Variants in ADAM18 observed in about 807,000 individuals in gnomAD.
ADAM18 encodes the protein ADAM metallopeptidase domain 18, also known as disintegrin and metalloproteinase domain-containing protein 18.
ADAM18 carries 117 observed loss-of-function variants against 94.4 expected under a neutral mutation model. The observed-to-expected ratio is 1.24, with a 90% CI of 1.07 to 1.45. The LOEUF is 1.45. Among genes scored for constraint, ADAM18 ranks in the 40% most tolerant of loss-of-function variants. The pLI, the probability that ADAM18 is intolerant of heterozygous loss-of-function variation, is 0.00. For missense variants in ADAM18, 936 were observed against 880.0 expected (o/e 1.06, Z -0.81); for synonymous variants, 327 against 291.6 (o/e 1.12, Z -1.24).
Position 39,645,425 on chromosome 8 carries a change from A to G in ADAM18, c.997A>G (p.Thr333Ala), listed in dbSNP as rs1219014534. The stretch of plus-strand genomic sequence containing the variant: ...TGTAGGATTAACATATGATGACATC[A>G]CTCAGTGTTTCTGTCTGAGAGCTAC... The part of the protein sequence containing the change: ...LNVGLTYDDI[T>A]QCFCLRATCI... The change falls in exon 11 of 20, where the codon ACT becomes GCT. Residue 333 changes from threonine (T) to alanine (A), a missense_variant. Coordinates refer to ENST00000265707, the MANE Select transcript of ADAM18 (RefSeq NM_014237.3). 1 of 1,612,384 alleles carries G rather than the reference A, an allele frequency of 6.2e-7. No homozygotes were observed. The highest frequency in any genetic ancestry group is 8.5e-7 in the Non-Finnish European group (1 of 1,179,292).
At chr8:39,634,748 A>C (rs77974146) in intron 7 of ADAM18, among the ~76,000 whole-genome samples, 1,876 of 152,276 alleles carry the variant, frequency 0.012, 44 homozygotes, top group African/African-American at 0.043. Flanking sequence ...GCTGGAAATG[A>C]ATTTGCCCCA....
rs564325951 is a variant in ADAM18 at position 39,668,308 on chromosome 8, A to C, written c.1525+112A>C. ...AAGAAACTGAACCACAAGATTAATA[A>C]AAATTAAATTTTAGTTAAAGAAGAG... On this transcript the variant is annotated intron_variant, in intron 14 of 19. Transcript: ENST00000265707. The C allele has an allele frequency of 3.8e-6, 4 of 1,062,104 alleles. No homozygotes were observed. In the East Asian group the frequency reaches 1.0e-4, roughly 28 times the overall value. The allele number at this position is 1,062,104 out of a possible 1,614,324, so 65.8% of individuals were successfully genotyped here.
At position 39,722,190 on chromosome 8, in the gene ADAM18, CGTGTGTGTGT is replaced by C. The variant is rs1164771841; in HGVS notation, c.2018-1539_2018-1530del. 2.9e-3 allele frequency among the ~76,000 whole-genome samples: 299 copies of C among 101,716 alleles called. 5 individuals carry two copies. The highest frequency in any genetic ancestry group is 0.013 in the African/African-American group (279 of 20,672). The allele number at this position is 101,716 out of a possible 152,430, so 66.7% of individuals were successfully genotyped here. A position where few individuals can be genotyped will look rare whatever the true frequency, so the allele number is the denominator to read the frequency against. Reference sequence around the variant, plus strand: ...TGTCTGCCTACTTTGTTGGTTATACCGTGTGTGTGTGTGTGTGTGTGTGTGTGTATATATA... The same window carrying C: ...TGTCTGCCTACTTTGTTGGTTATACCGTGTGTGTGTGTGTGTGTATATATA... On this transcript the variant is annotated intron_variant, in intron 18 of 19. Transcript: ENST00000265707.
intron 13 of ADAM18, among the ~76,000 whole-genome samples, chr8:39,664,608 T>A (rs1384666121): frequency 6.6e-6 from 1 of 152,040 alleles, no homozygotes; most frequent in Non-Finnish European, 1.5e-5. Flanking sequence ...GTCAAATAAA[T>A]GATGAATGAT....
intron 14 of ADAM18, among the ~76,000 whole-genome samples, chr8:39,669,569 G>GT (rs1821095629): frequency 6.8e-6 from 1 of 147,822 alleles, no homozygotes; most frequent in African/African-American, 2.5e-5. Flanking sequence ...GTGGTGTTTG[G>GT]TTTTTTGTCC....
At position 39,706,865 on chromosome 8, in the gene ADAM18, C is replaced by T. The variant is rs749265727; in HGVS notation, c.1978C>T (p.Pro660Ser). 10 of 1,608,660 alleles carry T rather than the reference C, an allele frequency of 6.2e-6. No individual in the cohort carries two copies. The highest frequency in any genetic ancestry group is 6.8e-6 in the Non-Finnish European group (8 of 1,176,502). ...AGATTGTAAATTCCAGTTTGGTTCC[C>T]CAGGGGGTAGTATTGATGATGGAAA... ...PPDCKFQFGS[P>S]GGSIDDGNFQ... The change falls in exon 18 of 20, where the codon CCA (proline) becomes TCA (serine). Residue 660 changes from proline (P) to serine (S), a missense_variant. Physicochemically the swap from Pro to Ser is moderately conservative, Grantham distance 74. Transcript: ENST00000265707.
At chr8:39,611,737 A>G (rs1819277579) in intron 6 of ADAM18, among the ~76,000 whole-genome samples, 1 of 152,164 alleles carries the variant, frequency 6.6e-6, no homozygotes, top group Non-Finnish European at 1.5e-5. Context: ...TGGAGAAAAA[A>G]AAAAGTGCCT....
At chr8:39,702,170 T>C (rs558815322) in intron 17 of ADAM18, among the ~76,000 whole-genome samples, 2 of 152,340 alleles carry the variant, frequency 1.3e-5, no homozygotes, top group South Asian at 4.1e-4. Flanking sequence ...GACTTCTTAA[T>C]AACAGCCATT....
chr8:39,641,139 G>A (rs1467980943), intron 10 of ADAM18, among the ~76,000 whole-genome samples: 6 of 151,808 alleles, frequency 4.0e-5, no homozygotes, highest in Non-Finnish European at 8.8e-5. Flanking sequence ...TTTTCAGTTT[G>A]GGGTTTTACA....
intron 6 of ADAM18, among the ~76,000 whole-genome samples, chr8:39,612,613 T>G (rs1029720322): frequency 1.3e-5 from 2 of 152,184 alleles, no homozygotes; most frequent in African/African-American, 4.8e-5. Context: ...CTCCTCTAGG[T>G]GGCTTTGGTT....
chr8:39,595,735 G>T (rs1818722228), intron 2 of ADAM18, among the ~76,000 whole-genome samples: 1 of 152,042 alleles, frequency 6.6e-6, no homozygotes, highest in Admixed American at 6.5e-5. Context: ...TGTTGGCCAG[G>T]CTGGTTTCAA....
chr8:39,653,320 C>A (rs957225929), intron 12 of ADAM18, among the ~76,000 whole-genome samples: 3 of 151,024 alleles, frequency 2.0e-5, no homozygotes, highest in Non-Finnish European at 3.0e-5. Flanking sequence ...TTAAAAAAAA[C>A]AACAATAATG....
chr8:39,605,721 T>G (rs1242789190), intron 2 of ADAM18: 1 of 230,162 alleles, frequency 4.3e-6, no homozygotes, highest in Non-Finnish European at 8.7e-6. Context: ...TTTATTTTTA[T>G]TTATAGGTTT....
chr8:39,722,464 G>A (rs1822787459), intron 18 of ADAM18, among the ~76,000 whole-genome samples: 1 of 151,036 alleles, frequency 6.6e-6, no homozygotes, highest in Admixed American at 6.6e-5. Flanking sequence ...ATAAGTGGGA[G>A]CTAAACAATG....
At chr8:39,627,594 T>A (rs1376076112) in intron 6 of ADAM18, among the ~76,000 whole-genome samples, 3 of 152,174 alleles carry the variant, frequency 2.0e-5, no homozygotes, top group Non-Finnish European at 4.4e-5. Context: ...GCCTTGAATC[T>A]ATAAGAATCT....
At chr8:39,700,817 T>C (rs989693989) in intron 17 of ADAM18, among the ~76,000 whole-genome samples, 1 of 151,956 alleles carries the variant, frequency 6.6e-6, no homozygotes, top group Admixed American at 6.6e-5. Context: ...TATTTTTAAC[T>C]TTTTTCCCCA....
chr8:39,728,902 T>C (rs1350125191), intron 19 of ADAM18, among the ~76,000 whole-genome samples: 1 of 152,166 alleles, frequency 6.6e-6, no homozygotes, highest in Non-Finnish European at 1.5e-5. Context: ...AAATTGAAAT[T>C]AGGTAATTCT....
At chr8:39,659,312 C>T (rs548382118) in intron 12 of ADAM18, among the ~76,000 whole-genome samples, 17 of 151,180 alleles carry the variant, frequency 1.1e-4, no homozygotes, top group African/African-American at 2.7e-4. Flanking sequence ...AAATTACCTA[C>T]GAAATCTTAA....
chr8:39,628,721 T>C (rs909579675), intron 6 of ADAM18, among the ~76,000 whole-genome samples: 2 of 152,050 alleles, frequency 1.3e-5, no homozygotes, highest in Non-Finnish European at 2.9e-5. Flanking sequence ...GAAATAAAGC[T>C]CATGTAAAAT....
Sources: allele counts gnomAD v4.1 joint callset (sites outside exome capture counted in the v4.1 genomes callset), GRCh38; gene constraint gnomAD v4.1.1; transcripts MANE v1.5; gene names NCBI Gene and HGNC (gene_info 2026-07-23, HGNC 2026-07-21).